LAMA3: variants seen among roughly 807,000 people sequenced by gnomAD.
LAMA3 encodes the protein laminin subunit alpha-3.
In LAMA3, 281 loss-of-function variants were observed where a neutral mutation model predicts 402.0. The observed-to-expected ratio is 0.70, with a 90% CI of 0.63 to 0.77. The LOEUF is 0.77. LAMA3 is among the 30% of genes least tolerant of loss of function. The probability of loss-of-function intolerance (pLI) is 0.00; values close to 1 mark genes in which losing one functional copy is unlikely to be tolerated. For missense variants in LAMA3, 3,840 were observed against 4,215.5 expected, an observed-to-expected ratio of 0.91 and a Z score of 2.47; for synonymous variants, 1,431 against 1,558.4, an observed-to-expected ratio of 0.92 and a Z score of 1.93.
intron 23 of LAMA3, among the ~76,000 whole-genome samples, chr18:23,831,451 A>G (rs1356460896): frequency 6.6e-6 from 1 of 151,726 alleles, no homozygotes; most frequent in African/African-American, 2.4e-5. Context: ...CCCTCTACCC[A>G]AACACTCTTC....
Position 23,842,471 on chromosome 18 carries a change from AC to A in LAMA3, c.3416del (p.Pro1139ArgfsTer34). ...GTCATCCATTTTTACCAAGCAGCGCACCCGACGTTTCCCGCGCAGGTGTCGG... is the reference window on the plus strand; with the variant it reads ...GTCATCCATTTTTACCAAGCAGCGCACCGACGTTTCCCGCGCAGGTGTCGG... The part of the protein sequence containing the change: ...VFVIHFYQAA[H>X]PTFPAQVSVD... On this transcript the variant is annotated frameshift_variant, in exon 28 of 75. Transcript: ENST00000313654. LOFTEE classifies it high-confidence loss of function. 2.5e-6 allele frequency: 4 copies of A among 1,613,998 alleles called. No individual in the cohort carries two copies. The highest frequency in any genetic ancestry group is 3.4e-6 in the Non-Finnish European group (4 of 1,179,992).
rs79965358 is a variant in LAMA3, at chr18:23,755,586, C to A, written c.947+1774C>A. On this transcript the variant is annotated intron_variant, in intron 6 of 74. Transcript: ENST00000313654. ...AAAATTACTTGCTAATGAGGCAGAA[C>A]CCAAGAAGAGGGGTTTAACCAAGCA... Among the ~76,000 whole-genome samples the A allele has an allele frequency of 1.2e-3, 184 of 152,228 alleles. 1 individual carries two copies. The highest frequency in any genetic ancestry group is 4.3e-3 in the African/African-American group (179 of 41,526).
chr18:23,736,993 T>A lies in LAMA3; in HGVS notation c.448-10950T>A, dbSNP rs575937651. On this transcript the variant is annotated intron_variant, in intron 2 of 74. Coordinates refer to ENST00000313654, the MANE Select transcript of LAMA3 (RefSeq NM_198129.4). ...AGCTGGATTGTTTTTAGTGGGATTG[T>A]CCTTGCTGGCATGGAAAATGCTTCC... Among the ~76,000 whole-genome samples, 7 of 152,238 alleles carry A rather than the reference T, an allele frequency of 4.6e-5. No homozygotes were observed. The East Asian group carries it at 1.4e-3, about 29-fold the overall frequency.
At chr18:23,943,546 C>G (rs2082598418) in intron 68 of LAMA3, among the ~76,000 whole-genome samples, 2 of 152,152 alleles carry the variant, frequency 1.3e-5, no homozygotes, top group Admixed American at 6.5e-5. Flanking sequence ...CTAAGTTTGC[C>G]ACAAAAGTTC....
chr18:23,849,942 A>G (rs1252626800), intron 32 of LAMA3, among the ~76,000 whole-genome samples: 2 of 152,228 alleles, frequency 1.3e-5, no homozygotes, highest in Non-Finnish European at 2.9e-5. Context: ...CATTACTGTA[A>G]ATTGCACAAA....
intron 12 of LAMA3, chr18:23,796,279 TCTGGAATTAGTC>T (rs1370290757): frequency 4.9e-6 from 1 of 205,238 alleles, no homozygotes; most frequent in African/African-American, 2.3e-5. Flanking sequence ...ACATGCCAGT[TCTGGAATTAGTC>T]CTGTGGCCGT....
intron 2 of LAMA3, among the ~76,000 whole-genome samples, chr18:23,719,545 C>T (rs1384063083): frequency 3.3e-5 from 5 of 152,028 alleles, no homozygotes; most frequent in Non-Finnish European, 7.4e-5. Context: ...GAGAAATGCC[C>T]CATTACTCTA....
chr18:23,901,451 A>G, intron 48 of LAMA3, 128 bp downstream of exon 48: 4 of 763,608 alleles, frequency 5.2e-6, no homozygotes, highest in Non-Finnish European at 9.1e-6. Context: ...TCAGACCCAG[A>G]TCAGACAGGA....
Position 23,904,616 on chromosome 18 carries a change from C to T in LAMA3, c.6537C>T (p.Tyr2179=), listed in dbSNP as rs544976035. 4.3e-5 allele frequency: 70 copies of T among 1,613,460 alleles called. No individual in the cohort carries two copies. In the East Asian group the frequency reaches 5.1e-4, roughly 12 times the overall value. ...GTGCTGTGGATGCCGCCACCGCCTA[C>T]GAGAACATCCTCAATGCCATCAAAG... ...VRCAVDAATA[Y]ENILNAIKAA... The change falls in exon 51 of 75, where the codon TAC becomes TAT. Residue 2179 remains tyrosine (Y), a synonymous_variant. Transcript: ENST00000313654.
chr18:23,900,495 G>A (rs2081036133), intron 47 of LAMA3, among the ~76,000 whole-genome samples: 1 of 152,040 alleles, frequency 6.6e-6, no homozygotes, highest in Admixed American at 6.5e-5. Context: ...TTCAGATTTT[G>A]GCTTTTTAGA....
chr18:23,940,951 T>TA (rs1288957307), intron 68 of LAMA3, among the ~76,000 whole-genome samples: 5 of 150,226 alleles, frequency 3.3e-5, no homozygotes, highest in Non-Finnish European at 5.9e-5. Flanking sequence ...TTTTTTTTTT[T>TA]TTTGAGACGG....
In LAMA3 at chr18:23,827,400, C is replaced by A. The variant is rs1449164291; in HGVS notation, c.2756C>A (p.Pro919Gln). ...EARHFLLDGE[P>Q]RPVAVRQPTP... ...AGACACTTCCTGCTTGATGGGGAGC[C>A]AAGACCCGTGGCAGTGAGGCAGCCC... Residue 919 changes from proline to glutamine, a missense_variant, in exon 23 of 75, where the codon CCA becomes CAA. Around this residue, in one of 3 missense-constraint regions of LAMA3, gnomAD observed 2,109 missense variants for 2,376.0 expected, o/e 0.89. Transcript: ENST00000313654. 1.2e-6 allele frequency: 2 copies of A among 1,614,064 alleles called. No homozygotes were observed. Among genetic ancestry groups the A allele is most frequent in the African/African-American group, 2.7e-5 (2 of 74,920 alleles).
intron 70 of LAMA3, 157 bp downstream of exon 70, chr18:23,946,441 G>A (rs2082715974): frequency 1.1e-6 from 1 of 870,472 alleles, no homozygotes; most frequent in Non-Finnish European, 1.8e-6. Context: ...CATAGAGTAA[G>A]TGCCCATTTC....
In LAMA3 at chr18:23,796,988, G is replaced by A. The variant is rs78149548; in HGVS notation, c.1603+12831G>A. On this transcript the variant is annotated intron_variant, in intron 12 of 74. Transcript: ENST00000313654. The stretch of plus-strand genomic sequence containing the variant: ...CACCAGCAGGCATGCTTCTGGCCCC[G>A]GTGGGTGAAGGTCTGGGGTCAGCCT... 5.9e-3 allele frequency among the ~76,000 whole-genome samples: 902 copies of A among 152,208 alleles called. 12 individuals are homozygous for A. The highest frequency in any genetic ancestry group is 0.02 in the African/African-American group (822 of 41,544).
chr18:23,948,620 A>G (rs1274805062), intron 70 of LAMA3, among the ~76,000 whole-genome samples: 1 of 150,154 alleles, frequency 6.7e-6, no homozygotes, highest in East Asian at 2.0e-4. Flanking sequence ...CCCAGGCTGG[A>G]GTGCAGTAGT....
rs1164123647 is a variant in LAMA3, at chr18:23,813,553, C to CTT, written c.1788+469_1788+470dup. ...TTTTTCTTTTTCTTTTCTTTTCTTTCTTTTTTTTTTTTTTTTTTTTGCTCT... is the reference window on the plus strand; with the variant it reads ...TTTTTCTTTTTCTTTTCTTTTCTTTCTTTTTTTTTTTTTTTTTTTTTTGCTCT... On this transcript the variant is annotated intron_variant, in intron 14 of 74. Coordinates refer to ENST00000313654, the MANE Select transcript of LAMA3 (RefSeq NM_198129.4). Among the ~76,000 whole-genome samples the CTT allele has an allele frequency of 4.2e-3, 484 of 114,998 alleles. 3 individuals carry two copies. Among genetic ancestry groups the CTT allele is most frequent in the African/African-American group, 0.015 (433 of 29,042 alleles). The allele number at this position is 114,998 out of a possible 152,430, so 75.4% of individuals were successfully genotyped here. A position where few individuals can be genotyped will look rare whatever the true frequency, so the allele number is the denominator to read the frequency against.
At chr18:23,830,346 C>T (rs1285534192) in intron 23 of LAMA3, among the ~76,000 whole-genome samples, 4 of 152,076 alleles carry the variant, frequency 2.6e-5, no homozygotes, top group Non-Finnish European at 5.9e-5. Flanking sequence ...CACCATACTC[C>T]TCCCCTTCAC....
At chr18:23,695,746 G>A (rs1051634655) in intron 1 of LAMA3, among the ~76,000 whole-genome samples, 1 of 121,708 alleles carries the variant, frequency 8.2e-6, no homozygotes, top group Non-Finnish European at 1.6e-5. Context: ...GCAGTGAGCC[G>A]AGATCACACC....
At chr18:23,691,627 A>G (rs1309928917) in intron 1 of LAMA3, among the ~76,000 whole-genome samples, 2 of 152,218 alleles carry the variant, frequency 1.3e-5, no homozygotes, top group South Asian at 2.1e-4. Flanking sequence ...GCTGGAGTGC[A>G]GTGGTGCTAT....
Sources: allele counts gnomAD v4.1 joint callset (sites outside exome capture counted in the v4.1 genomes callset), GRCh38; gene constraint gnomAD v4.1.1; regional missense constraint gnomAD v4.1.1; transcripts MANE v1.5; gene names NCBI Gene and HGNC (gene_info 2026-07-23, HGNC 2026-07-21).